CD163L1: variants seen among roughly 807,000 people sequenced by gnomAD.
The protein encoded by CD163L1 is CD163 molecule like 1.
CD163L1 carries 124 observed loss-of-function variants against 165.4 expected under a neutral mutation model. The observed-to-expected ratio is 0.75, with a 90% CI of 0.65 to 0.87. The LOEUF (loss-of-function observed/expected upper bound fraction) is 0.87. CD163L1 is among the 40% of genes least tolerant of loss of function. The pLI is 0.00. For missense variants in CD163L1, 1,525 were observed against 1,799.9 expected, an observed-to-expected ratio of 0.85 and a Z score of 2.76; for synonymous variants, 585 against 662.2, an observed-to-expected ratio of 0.88 and a Z score of 1.79.
rs1056690323 is a variant in CD163L1, at chr12:7,406,436, T to C, written c.1087+96A>G. The stretch of plus-strand genomic sequence containing the variant: ...TTGGTTGTAACTTCTTCACAATTCT[T>C]ACACATCACAATTGGTTGTAACTTT... On this transcript the variant is annotated intron_variant, in intron 5 of 19. Transcript: ENST00000313599. 8 of 1,136,914 alleles carry C rather than the reference T, an allele frequency of 7.0e-6. No individual in the cohort carries two copies. In the African/African-American group the frequency reaches 1.3e-4, roughly 18 times the overall value. 70.4% of individuals were successfully genotyped at this position (1,136,914 alleles called of 1,614,324 possible).
At chr12:7,440,100 C>A in intron 2 of CD163L1, 3 of 872,284 alleles carry the variant, frequency 3.4e-6, no homozygotes, top group Non-Finnish European at 3.6e-6. Context: ...GGAAGCCGAC[C>A]AATGGCGGGC....
At chr12:7,360,376 C>T (rs993606226) in intron 18 of CD163L1, among the ~76,000 whole-genome samples, 2 of 152,146 alleles carry the variant, frequency 1.3e-5, no homozygotes, top group Non-Finnish European at 2.9e-5. Context: ...CACCTGACCT[C>T]AGGTGATCCA....
intron 2 of CD163L1, chr12:7,440,122 G>A: frequency 1.4e-6 from 1 of 734,290 alleles, no homozygotes; most frequent in Non-Finnish European, 2.3e-6. Flanking sequence ...TGGACCCGCC[G>A]CGCCAGCGTG....
At chr12:7,328,394 G>T in the CD163L1 span, 2 of 1,538,614 alleles carry the variant, frequency 1.3e-6, no homozygotes, top group East Asian at 2.4e-5. Context: ...AAGCTGAAGG[G>T]TTAAGCAGTA....
At chr12:7,373,187 G>T in intron 14 of CD163L1, 133 bp downstream of exon 14, 1 of 699,468 alleles carries the variant, frequency 1.4e-6, no homozygotes, top group Non-Finnish European at 2.3e-6. Flanking sequence ...GAACAGATGC[G>T]ATAAATCAGC....
chr12:7,380,132 C>A (rs1224023502), intron 8 of CD163L1, among the ~76,000 whole-genome samples: 1 of 151,994 alleles, frequency 6.6e-6, no homozygotes, highest in Non-Finnish European at 1.5e-5. Context: ...AATCCCACTA[C>A]TAGGTATCTA....
At chr12:7,420,861 A>G (rs1948334278) in intron 4 of CD163L1, among the ~76,000 whole-genome samples, 1 of 151,554 alleles carries the variant, frequency 6.6e-6, no homozygotes, top group Non-Finnish European at 1.5e-5. Context: ...TACCGAGAGG[A>G]AAAGAAGTCA....
intron 8 of CD163L1, among the ~76,000 whole-genome samples, chr12:7,395,656 CT>C (rs1418333805): frequency 2.0e-5 from 3 of 152,068 alleles, no homozygotes; most frequent in Non-Finnish European, 2.9e-5. Context: ...TGTTCTAATG[CT>C]ATTGGATTTA....
intron 4 of CD163L1, among the ~76,000 whole-genome samples, chr12:7,412,870 G>C (rs1011024820): frequency 6.6e-6 from 1 of 152,058 alleles, no homozygotes; most frequent in Admixed American, 6.6e-5. Context: ...GCCGAGGCGG[G>C]TAGATCACGA....
chr12:7,335,586 A>C, the CD163L1 span, among the ~76,000 whole-genome samples: 2 of 152,246 alleles, frequency 1.3e-5, no homozygotes, highest in African/African-American at 4.8e-5. Flanking sequence ...ACCATTCAGG[A>C]CATAGGCATG....
At chr12:7,429,178 T>C (rs935949908) in intron 4 of CD163L1, among the ~76,000 whole-genome samples, 1 of 152,048 alleles carries the variant, frequency 6.6e-6, no homozygotes, top group Non-Finnish European at 1.5e-5. Context: ...TCAAACCATG[T>C]AACAATTAAA....
At chr12:7,332,185 A>T in the CD163L1 span, among the ~76,000 whole-genome samples, 2 of 152,130 alleles carry the variant, frequency 1.3e-5, no homozygotes, top group African/African-American at 4.8e-5. Flanking sequence ...GGGTATCAGC[A>T]ATGGAAGACG....
At chr12:7,410,055 A>C (rs1004973991) in intron 4 of CD163L1, among the ~76,000 whole-genome samples, 1 of 152,132 alleles carries the variant, frequency 6.6e-6, no homozygotes, top group East Asian at 1.9e-4. Context: ...AAAAACTATA[A>C]AAATAAACCA....
chr12:7,421,186 TGTATATATGTATATATATGG>T (rs1332030789), intron 4 of CD163L1, among the ~76,000 whole-genome samples: 6 of 135,682 alleles, frequency 4.4e-5, no homozygotes, highest in Non-Finnish European at 9.3e-5. Flanking sequence ...TATATATATG[TGTATATATGTATATATATGG>T]GTATATATAT....
chr12:7,440,218 C>T (rs1415092885), intron 2 of CD163L1, among the ~76,000 whole-genome samples: 1 of 152,102 alleles, frequency 6.6e-6, no homozygotes, highest in African/African-American at 2.4e-5. Flanking sequence ...TCGGCCGCGG[C>T]CGGCCCTCCG....
chr12:7,389,722 C>T (rs1197717208), intron 8 of CD163L1, among the ~76,000 whole-genome samples: 1 of 151,888 alleles, frequency 6.6e-6, no homozygotes, highest in African/African-American at 2.4e-5. Context: ...CCCCATTCTC[C>T]TCAGTGTGCT....
intron 8 of CD163L1, among the ~76,000 whole-genome samples, chr12:7,380,204 T>G (rs925847612): frequency 6.6e-6 from 1 of 151,888 alleles, no homozygotes; most frequent in Non-Finnish European, 1.5e-5. Flanking sequence ...TATAGCAGCA[T>G]AAATCGCAAT....
At chr12:7,439,633 C>G (rs1948786860) in intron 2 of CD163L1, 8 of 1,611,194 alleles carry the variant, frequency 5.0e-6, no homozygotes, top group Non-Finnish European at 6.8e-6. Context: ...AATATCCTTC[C>G]TGACTGCTTT....
Position 7,375,443 on chromosome 12 carries a change from G to A in CD163L1, c.2839C>T (p.Leu947Phe). The change falls in exon 11 of 20, where the codon CTC becomes TTC. Residue 947 changes from leucine (L) to phenylalanine (F), a missense_variant. By Grantham distance (22) the Leu-to-Phe change is conservative (BLOSUM62 0). Coordinates refer to ENST00000313599, the MANE Select transcript of CD163L1 (RefSeq NM_174941.6). ...ATATATTTTCCTCCTGTGGTTGAGA[G>A]AGCAGTCCCACAGCTGAGCTGTCTG... is the stretch of plus-strand genomic sequence containing the variant. The part of the protein sequence containing the change: ...LCRQLSCGTA[L>F]STTGGKYIGE... 1 of 1,614,198 alleles carries A rather than the reference G, an allele frequency of 6.2e-7. No homozygotes were observed. Among genetic ancestry groups the A allele is most frequent in the Non-Finnish European group, 8.5e-7 (1 of 1,180,036 alleles).
Sources: allele counts gnomAD v4.1 joint callset (sites outside exome capture counted in the v4.1 genomes callset), GRCh38; gene constraint gnomAD v4.1.1; transcripts MANE v1.5; gene names NCBI Gene and HGNC (gene_info 2026-07-23, HGNC 2026-07-21).